Variants in LINGO1 observed in about 807,000 individuals in gnomAD.
LINGO1 encodes leucine-rich repeat and immunoglobulin-like domain-containing nogo receptor-interacting protein 1.
Under a neutral mutation model 37.3 loss-of-function variants are expected in LINGO1, and 11 were observed. The ratio of observed to expected loss-of-function variants is 0.29; its 90% CI spans 0.19 to 0.49. LINGO1 has a LOEUF of 0.49. LINGO1 is among the 20% of genes least tolerant of loss of function. The probability of loss-of-function intolerance (pLI) is 0.99; values close to 1 mark genes in which losing one functional copy is unlikely to be tolerated. For synonymous variants in LINGO1, 387 were observed against 403.0 expected (o/e 0.96, Z 0.48); for missense variants, 585 against 878.2 (o/e 0.67, Z 4.22).
In LINGO1 at chr15:77,693,682, C is replaced by T. The variant is rs549778911; in HGVS notation, c.-281+2709G>A. On this transcript the variant is annotated intron_variant, in intron 1 of 3. Coordinates refer to the LINGO1 transcript ENST00000559893. ...TGGGGCAGAGGACCAGTGTCACAAT[C>T]GCCCAAGGACAAGAAGACAGGCTTA... Among the ~76,000 whole-genome samples, 70 of 152,136 alleles carry T rather than the reference C, an allele frequency of 4.6e-4. 2 individuals are homozygous for T. The highest frequency in any genetic ancestry group is 4.9e-4 in the Non-Finnish European group (33 of 68,024).
upstream of LINGO1, among the ~76,000 whole-genome samples, chr15:77,639,028 C>T (rs535670584): frequency 5.3e-5 from 8 of 152,236 alleles, no homozygotes; most frequent in South Asian, 2.1e-4. Flanking sequence ...TGCCATGTTA[C>T]GAGAAGCCCA....
chr15:77,807,825 C>T (rs765697730), intron 1 of LINGO1, among the ~76,000 whole-genome samples: 21 of 151,972 alleles, frequency 1.4e-4, no homozygotes, highest in Admixed American at 2.0e-4. Context: ...GCGCCCGGCA[C>T]GGAATTTTTC....
upstream of LINGO1, among the ~76,000 whole-genome samples, chr15:77,633,724 G>A (rs190775107): frequency 1.2e-4 from 18 of 152,372 alleles, 1 homozygote; most frequent in Admixed American, 1.0e-3. Context: ...CTCCCGGAAT[G>A]GTCCCGGGGA....
At chr15:77,658,728 A>G (rs1433095446) in intron 3 of LINGO1, among the ~76,000 whole-genome samples, 1 of 152,262 alleles carries the variant, frequency 6.6e-6, no homozygotes, top group African/African-American at 2.4e-5. Flanking sequence ...TGGGCAAACC[A>G]GGATGACTGT....
At chr15:77,627,163 C>T (rs943663571) in intron 1 of LINGO1, among the ~76,000 whole-genome samples, 2 of 152,120 alleles carry the variant, frequency 1.3e-5, no homozygotes, top group Non-Finnish European at 1.5e-5. Context: ...AGGTTGGAGA[C>T]GAGGAACAAT....
chr15:77,692,959 T>C (rs920928321), intron 1 of LINGO1, among the ~76,000 whole-genome samples: 4 of 152,238 alleles, frequency 2.6e-5, no homozygotes, highest in Admixed American at 2.0e-4. Context: ...TGTGTGCTTA[T>C]GAGTGTGCAT....
upstream of LINGO1, among the ~76,000 whole-genome samples, chr15:77,699,970 A>G (rs34440622): frequency 0.077 from 11,722 of 152,266 alleles, 552 homozygotes; most frequent in Middle Eastern, 0.13. Flanking sequence ...GGAGGACTTG[A>G]CAGATGCCTC....
rs184784674 is a variant in LINGO1, at chr15:77,811,972, G to A, written c.-458+8286C>T. 3.5e-3 allele frequency among the ~76,000 whole-genome samples: 523 copies of A among 151,088 alleles called. 5 individuals carry two copies. The highest frequency in any genetic ancestry group is 0.012 in the African/African-American group (479 of 41,106). On this transcript the variant is annotated intron_variant, in intron 1 of 5. Transcript: ENST00000562933. ...AAAAAAAAAAAAATAGCACAGTCAC[G>A]TGAGCCAGGCAGGAGCCCCACACAC...
At chr15:77,710,789 C>T (rs577077952) in intron 2 of LINGO1, among the ~76,000 whole-genome samples, 2 of 152,368 alleles carry the variant, frequency 1.3e-5, no homozygotes, top group African/African-American at 4.8e-5. Context: ...GGTCACACAG[C>T]AAGCTGGCCA....
chr15:77,710,133 C>T (rs2075900627), intron 2 of LINGO1, among the ~76,000 whole-genome samples: 1 of 152,220 alleles, frequency 6.6e-6, no homozygotes. Flanking sequence ...CCTCTGGAAC[C>T]CCAGGGGGGC....
At chr15:77,766,297 C>CAAAAA (rs71447163) in intron 1 of LINGO1, among the ~76,000 whole-genome samples, 22 of 48,974 alleles carry the variant, frequency 4.5e-4, no homozygotes, top group African/African-American at 1.3e-3. Flanking sequence ...GACCCTGTCT[C>CAAAAA]AAAAAAAAAA....
At chr15:77,733,555 T>C (rs867139780) in intron 2 of LINGO1, among the ~76,000 whole-genome samples, 15 of 151,878 alleles carry the variant, frequency 9.9e-5, no homozygotes, top group African/African-American at 3.4e-4. Context: ...GAGAGACGGA[T>C]AGACCCATGG....
upstream of LINGO1, among the ~76,000 whole-genome samples, chr15:77,699,698 TACTA>T (rs61431246): frequency 1.9e-5 from 1 of 53,812 alleles, no homozygotes; most frequent in Admixed American, 2.1e-4. Context: ...AGTAAGCACA[TACTA>T]ACCATCATTC....
At chr15:77,708,374 G>A (rs2075878069) in intron 2 of LINGO1, among the ~76,000 whole-genome samples, 1 of 152,220 alleles carries the variant, frequency 6.6e-6, no homozygotes, top group South Asian at 2.1e-4. Context: ...AACTGATGGA[G>A]CTGGGGCTGG....
intron 1 of LINGO1, among the ~76,000 whole-genome samples, chr15:77,755,182 G>A (rs1423100185): frequency 6.6e-6 from 1 of 152,146 alleles, no homozygotes; most frequent in Non-Finnish European, 1.5e-5. Context: ...AAAGGCTCTT[G>A]GTACTCTGCT....
intron 3 of LINGO1, among the ~76,000 whole-genome samples, chr15:77,674,013 CA>C (rs2075291224): frequency 6.6e-6 from 1 of 151,950 alleles, no homozygotes; most frequent in South Asian, 2.1e-4. Flanking sequence ...CCATTTTTTC[CA>C]AATGACTCAC....
chr15:77,645,423 G>A (rs2074603710), intron 3 of LINGO1, among the ~76,000 whole-genome samples: 1 of 152,264 alleles, frequency 6.6e-6, no homozygotes, highest in Non-Finnish European at 1.5e-5. Context: ...CAGTAGACCA[G>A]TGCCCAGCTC....
chr15:77,647,281 G>A (rs1041959546), intron 3 of LINGO1, among the ~76,000 whole-genome samples: 6 of 152,102 alleles, frequency 3.9e-5, no homozygotes, highest in African/African-American at 1.4e-4. Flanking sequence ...ATATTAGGAA[G>A]CTAGGGATGA....
chr15:77,723,605 AGT>A (rs2076072882), intron 2 of LINGO1, among the ~76,000 whole-genome samples: 4 of 152,132 alleles, frequency 2.6e-5, no homozygotes, highest in Non-Finnish European at 1.5e-5. Context: ...ATTGAAAACA[AGT>A]GAGTGCACAG....
Sources: allele counts gnomAD v4.1 joint callset (sites outside exome capture counted in the v4.1 genomes callset), GRCh38; gene constraint gnomAD v4.1.1; transcripts MANE v1.5; gene names NCBI Gene and HGNC (gene_info 2026-07-23, HGNC 2026-07-21).